Variants in ZNF654 observed in about 807,000 individuals in gnomAD.
ZNF654 encodes zinc finger protein 654.
A neutral mutation model predicts 95.3 loss-of-function variants in ZNF654; 19 were observed. The ratio of observed to expected loss-of-function variants is 0.20; its 90% CI spans 0.14 to 0.29. The LOEUF is 0.29. Ranked by LOEUF, ZNF654 falls within the 10% of genes least tolerant of loss-of-function variation. The probability of loss-of-function intolerance (pLI) is 1.00; values close to 1 mark genes in which losing one functional copy is unlikely to be tolerated. For missense variants in ZNF654, 1,046 were observed against 1,341.0 expected, an observed-to-expected ratio of 0.78 and a Z score of 3.44; for synonymous variants, 413 against 457.9, an observed-to-expected ratio of 0.90 and a Z score of 1.25.
At chr3:88,072,993 A>C (rs1241251379) in intron 1 of ZNF654, among the ~76,000 whole-genome samples, 1 of 152,214 alleles carries the variant, frequency 6.6e-6, no homozygotes, top group African/African-American at 2.4e-5. Context: ...AAATGTAGGC[A>C]TGAAGAAAGG....
chr3:88,082,794 ATTAC>A (rs1190904736), intron 1 of ZNF654, among the ~76,000 whole-genome samples: 2 of 152,200 alleles, frequency 1.3e-5, no homozygotes, highest in Non-Finnish European at 2.9e-5. Flanking sequence ...ATAGTTGTGT[ATTAC>A]TTAGGCTGCC....
Position 88,092,562 on chromosome 3 carries a change from CAG to C in ZNF654, c.332+6162_332+6163del, listed in dbSNP as rs566745913. Among the ~76,000 whole-genome samples the C allele has an allele frequency of 8.9e-3, 1,358 of 152,164 alleles. 14 individuals are homozygous for C. The highest frequency in any genetic ancestry group is 0.013 in the Non-Finnish European group (861 of 68,002). ...AGAAGAGCCTCTTAGGGATGGCAAA[CAG>C]AATGTTTAAGGCACCTGGATATTAA... On this transcript the variant is annotated intron_variant, in intron 2 of 8. Coordinates refer to ENST00000636215, the MANE Select transcript of ZNF654 (RefSeq NM_001350134.2).
At position 88,108,083 on chromosome 3, in the gene ZNF654, G is replaced by A. The variant is rs372789982; in HGVS notation, c.333-5032G>A. Among the ~76,000 whole-genome samples the A allele has an allele frequency of 8.5e-5, 13 of 152,072 alleles. No individual in the cohort carries two copies. In the East Asian group the frequency reaches 2.1e-3, roughly 25 times the overall value. On this transcript the variant is annotated intron_variant, in intron 2 of 8. Coordinates refer to ENST00000636215, the MANE Select transcript of ZNF654 (RefSeq NM_001350134.2). ...AAAGAATTTGCATTTGTTTTTGTCA[G>A]GTGCCTGGAGATATTACTAGCTTGG...
intron 6 of ZNF654, among the ~76,000 whole-genome samples, chr3:88,133,189 G>C (rs1706567793): frequency 6.6e-6 from 1 of 152,016 alleles, no homozygotes; most frequent in Non-Finnish European, 1.5e-5. Flanking sequence ...TGCAGAGGAG[G>C]GTCACATAGG....
Position 88,129,677 on chromosome 3 carries a change from C to G in ZNF654, c.754-10C>G. The G allele has an allele frequency of 6.9e-7, 1 of 1,439,454 alleles. No homozygotes were observed. 89.2% of individuals were successfully genotyped at this position (1,439,454 alleles called of 1,614,324 possible). On this transcript the variant is annotated splice_polypyrimidine_tract_variant and intron_variant, in intron 5 of 8. Coordinates refer to ENST00000636215, the MANE Select transcript of ZNF654 (RefSeq NM_001350134.2). ...AATTATATGAACTGATTTCTCTTTTCCTCTTACAGCATTTATTGAAAACTG... is the reference window on the plus strand; with the variant it reads ...AATTATATGAACTGATTTCTCTTTTGCTCTTACAGCATTTATTGAAAACTG...
intron 1 of ZNF654, among the ~76,000 whole-genome samples, chr3:88,079,170 C>T (rs1421365659): frequency 1.3e-5 from 2 of 152,040 alleles, no homozygotes; most frequent in Non-Finnish European, 2.9e-5. Flanking sequence ...ATATTATCAT[C>T]GAGTCAAAAA....
At chr3:88,089,665 T>C (rs1490155714) in intron 2 of ZNF654, among the ~76,000 whole-genome samples, 2 of 152,176 alleles carry the variant, frequency 1.3e-5, no homozygotes, top group Non-Finnish European at 2.9e-5. Context: ...TTCAGGGCTG[T>C]TGACAGTTCT....
Position 88,059,425 on chromosome 3 carries a change from G to C in ZNF654, c.106G>C (p.Gly36Arg), listed in dbSNP as rs1371616339. Residue 36 changes from glycine to arginine, a missense_variant, in exon 1 of 9, where the codon GGC becomes CGC. Physicochemically the swap from Gly to Arg is moderately radical, Grantham distance 125. Around this residue, in one of 9 missense-constraint regions of ZNF654, gnomAD observed 89 missense variants for 77.9 expected, o/e 1.14. Transcript: ENST00000636215. ...GPVGLRAAGD[G>R]RGGAGSGNCG... ...TGTGGGGCTTAGAGCTGCGGGCGAC[G>C]GCAGAGGCGGCGCTGGCAGCGGCAA... The C allele has an allele frequency of 6.6e-7, 1 of 1,526,686 alleles. No homozygotes were observed. The highest frequency in any genetic ancestry group is 2.1e-5 in the Admixed American group (1 of 48,300). 94.6% of individuals were successfully genotyped at this position (1,526,686 alleles called of 1,614,324 possible).
intron 3 of ZNF654, among the ~76,000 whole-genome samples, chr3:88,113,559 C>A (rs1705216828): frequency 1.3e-5 from 2 of 152,114 alleles, no homozygotes; most frequent in African/African-American, 4.8e-5. Context: ...TTTTCTCTCT[C>A]ATAATAGCTT....
chr3:88,095,882 A>C, intron 2 of ZNF654: 1 of 436,294 alleles, frequency 2.3e-6, no homozygotes, highest in Non-Finnish European at 4.4e-6. Flanking sequence ...CTTGCCACTT[A>C]ACCACATGCC....
Position 88,141,772 on chromosome 3 carries a change from C to T in ZNF654, c.*120C>T. ...TTAATTTTAGAGTGGTCTTGGATTA[C>T]TAAAGATAAAGACAAAGCACATTTT... On this transcript the variant is annotated 3_prime_UTR_variant, in exon 9 of 9. Transcript: ENST00000636215. 6 of 713,634 alleles carry T rather than the reference C, an allele frequency of 8.4e-6. No homozygotes were observed. The highest frequency in any genetic ancestry group is 1.3e-5 in the Non-Finnish European group (6 of 462,960). 44.2% of individuals were successfully genotyped at this position (713,634 alleles called of 1,614,324 possible). A position where few individuals can be genotyped will look rare whatever the true frequency, so the allele number is the denominator to read the frequency against.
chr3:88,128,534 GAA>G (rs1022432412), intron 4 of ZNF654, among the ~76,000 whole-genome samples: 2 of 151,772 alleles, frequency 1.3e-5, no homozygotes, highest in African/African-American at 2.4e-5. Context: ...ACTGAAAGAA[GAA>G]AAAAAATTTT....
intron 4 of ZNF654, among the ~76,000 whole-genome samples, chr3:88,126,807 T>C (rs1401652688): frequency 6.6e-6 from 1 of 152,140 alleles, no homozygotes; most frequent in African/African-American, 2.4e-5. Flanking sequence ...TGTGAGTGAA[T>C]AAGTGACTAA....
At chr3:88,138,449 G>A (rs1017285720) in intron 7 of ZNF654, among the ~76,000 whole-genome samples, 154 of 55,340 alleles carry the variant, frequency 2.8e-3, no homozygotes, top group Non-Finnish European at 7.1e-3. Flanking sequence ...ATTATGGATA[G>A]TGGGCTTGTC....
chr3:88,118,734 G>T (rs1413934225), intron 3 of ZNF654, among the ~76,000 whole-genome samples: 1 of 152,064 alleles, frequency 6.6e-6, no homozygotes, highest in Non-Finnish European at 1.5e-5. Context: ...TTTTTGAGGC[G>T]AATTTTCAAA....
chr3:88,086,187 T>A, intron 1 of ZNF654, 70 bp from the exon 2 acceptor site: 1 of 1,418,654 alleles, frequency 7.0e-7, no homozygotes, highest in Non-Finnish European at 9.4e-7. Flanking sequence ...CAGTAACTTT[T>A]ATGCAAATTT....
intron 1 of ZNF654, among the ~76,000 whole-genome samples, chr3:88,065,665 G>T (rs776497842): frequency 4.0e-5 from 6 of 151,558 alleles, no homozygotes; most frequent in Non-Finnish European, 7.4e-5. Context: ...TATAATCAAA[G>T]AAAAAATAAA....
At position 88,126,282 on chromosome 3, in the gene ZNF654, A is replaced by T. The variant is rs1706092170; in HGVS notation, c.550+13A>T. ...TCTCAGGAGATAGGTACTTCAGGAG[A>T]TTCAAAATCAAACCAACATTTGTGA... On this transcript the variant is annotated intron_variant, in intron 4 of 8. Transcript: ENST00000636215. 14 of 1,463,180 alleles carry T rather than the reference A, an allele frequency of 9.6e-6. No individual in the cohort carries two copies. Among genetic ancestry groups the T allele is most frequent in the Non-Finnish European group, 1.2e-5 (13 of 1,109,628 alleles). 90.6% of individuals were successfully genotyped at this position (1,463,180 alleles called of 1,614,324 possible). A position where few individuals can be genotyped will look rare whatever the true frequency, so the allele number is the denominator to read the frequency against.
Position 88,135,050 on chromosome 3 carries a change from C to T in ZNF654, c.894-11C>T, listed in dbSNP as rs1249733166. The T allele has an allele frequency of 1.5e-6, 2 of 1,370,578 alleles. No homozygotes were observed. The highest frequency in any genetic ancestry group is 1.5e-5 in the African/African-American group (1 of 66,270). The allele number at this position is 1,370,578 out of a possible 1,614,324, so 84.9% of individuals were successfully genotyped here. A position where few individuals can be genotyped will look rare whatever the true frequency, so the allele number is the denominator to read the frequency against. The stretch of plus-strand genomic sequence containing the variant: ...GTATTTTTGATAATTCTCTTTTTTT[C>T]TCATTTACAGGGAGTTGATTTTCAT... On this transcript the variant is annotated splice_polypyrimidine_tract_variant and intron_variant, in intron 6 of 8. Transcript: ENST00000636215.
Sources: gnomAD v4.1 joint callset for allele counts (sites outside exome capture counted in the v4.1 genomes callset) on GRCh38, gnomAD v4.1.1 for gene constraint, gnomAD v4.1.1 regional missense constraint, MANE v1.5 for transcripts, NCBI Gene and HGNC (gene_info 2026-07-23, HGNC 2026-07-21) for gene names.